RBFOX1: variants seen among roughly 807,000 people sequenced by gnomAD.
The protein encoded by RBFOX1 is RNA binding protein fox-1 homolog 1.
In RBFOX1, 8 loss-of-function variants were observed where a neutral mutation model predicts 57.7. The ratio of observed to expected loss-of-function variants is 0.14; its 90% CI spans 0.08 to 0.25. The LOEUF (loss-of-function observed/expected upper bound fraction) is 0.25, where lower values mean the gene tolerates loss of function less well. RBFOX1 is among the 10% of genes least tolerant of loss of function. The pLI is 1.00. For synonymous variants in RBFOX1, 326 were observed against 222.4 expected (o/e 1.47, Z -4.15); for missense variants, 611 against 548.5 (o/e 1.11, Z -1.14).
At chr16:5,730,367 G>C (rs1018963292) in intron 3 of RBFOX1, among the ~76,000 whole-genome samples, 1 of 152,156 alleles carries the variant, frequency 6.6e-6, no homozygotes, top group Non-Finnish European at 1.5e-5. Context: ...AATGAGCCTA[G>C]AGTGGAGCCG....
rs571100871 is a variant in RBFOX1 at position 7,648,276 on chromosome 16, T to C, written c.758-5539T>C. 1.3e-4 allele frequency among the ~76,000 whole-genome samples: 20 copies of C among 152,224 alleles called. No individual in the cohort carries two copies. The East Asian group carries it at 3.7e-3, about 28-fold the overall frequency. ...GGTCTGTCACCCAGGCTGGAGTGCA[T>C]TGGCGCGATTTCTGCTCACTGCAAC... On this transcript the variant is annotated intron_variant, in intron 11 of 15. Transcript: ENST00000550418.
At chr16:7,427,558 C>A (rs142349228) in intron 4 of RBFOX1, among the ~76,000 whole-genome samples, 2 of 152,158 alleles carry the variant, frequency 1.3e-5, no homozygotes, top group African/African-American at 2.4e-5. Flanking sequence ...CCTTTCCCCT[C>A]CAATTTTACC....
At chr16:7,152,118 T>A (rs1406061812) in intron 4 of RBFOX1, among the ~76,000 whole-genome samples, 1 of 152,172 alleles carries the variant, frequency 6.6e-6, no homozygotes, top group Non-Finnish European at 1.5e-5. Flanking sequence ...GTTCCATATA[T>A]AAAACAAAAG....
chr16:5,884,578 T>C (rs2057850635), intron 4 of RBFOX1, among the ~76,000 whole-genome samples: 1 of 151,826 alleles, frequency 6.6e-6, no homozygotes, highest in African/African-American at 2.4e-5. Context: ...TGGGTAGAAG[T>C]AATGTATGAC....
intron 4 of RBFOX1, among the ~76,000 whole-genome samples, chr16:7,346,627 GC>G (rs998305136): frequency 1.3e-5 from 2 of 151,654 alleles, no homozygotes; most frequent in Non-Finnish European, 2.9e-5. Flanking sequence ...GTCCCATGTG[GC>G]CCACGGGCAT....
At chr16:6,305,023 G>C (rs2079316493) in intron 1 of RBFOX1, among the ~76,000 whole-genome samples, 1 of 152,208 alleles carries the variant, frequency 6.6e-6, no homozygotes, top group Non-Finnish European at 1.5e-5. Flanking sequence ...GGGAAGGGGT[G>C]ATGCATGGTA....
intron 4 of RBFOX1, among the ~76,000 whole-genome samples, chr16:7,233,023 G>T (rs1210174397): frequency 6.6e-6 from 1 of 151,924 alleles, no homozygotes; most frequent in African/African-American, 2.4e-5. Context: ...GCTAAAATAG[G>T]CTACATTTCC....
chr16:5,370,644 T>C (rs1347666949), intron 1 of RBFOX1, among the ~76,000 whole-genome samples: 2 of 151,594 alleles, frequency 1.3e-5, no homozygotes, highest in Non-Finnish European at 2.9e-5. Flanking sequence ...AGGCACGTGC[T>C]ACCACACTCA....
At chr16:5,329,413 A>G (rs2064681743) in intron 1 of RBFOX1, among the ~76,000 whole-genome samples, 1 of 152,220 alleles carries the variant, frequency 6.6e-6, no homozygotes, top group Middle Eastern at 3.4e-3. Context: ...CAGATCTCAC[A>G]ATAACTCACT....
chr16:5,391,947 C>G (rs1297676420), intron 1 of RBFOX1, among the ~76,000 whole-genome samples: 1 of 151,758 alleles, frequency 6.6e-6, no homozygotes, highest in Non-Finnish European at 1.5e-5. Context: ...GAATACTACT[C>G]AGCCATAAAA....
At chr16:7,627,604 G>A (rs2060277881) in intron 10 of RBFOX1, among the ~76,000 whole-genome samples, 1 of 152,210 alleles carries the variant, frequency 6.6e-6, no homozygotes, top group Non-Finnish European at 1.5e-5. Flanking sequence ...ATATTGAGAA[G>A]TGCTTTGAAT....
chr16:5,581,376 A>C (rs2046660158), intron 2 of RBFOX1, among the ~76,000 whole-genome samples: 1 of 152,206 alleles, frequency 6.6e-6, no homozygotes, highest in Non-Finnish European at 1.5e-5. Context: ...TCTTTTGTCC[A>C]ATACCTATGT....
At chr16:6,817,974 C>G (rs369785153) in intron 3 of RBFOX1, among the ~76,000 whole-genome samples, 1 of 152,100 alleles carries the variant, frequency 6.6e-6, no homozygotes, top group Non-Finnish European at 1.5e-5. Context: ...TGGTTTTAAA[C>G]GCAGGCCTGC....
intron 1 of RBFOX1, among the ~76,000 whole-genome samples, chr16:5,255,882 T>C (rs959984150): frequency 6.6e-6 from 1 of 152,012 alleles, no homozygotes; most frequent in African/African-American, 2.4e-5. Flanking sequence ...GCTGCTTGGG[T>C]AAGTTACAGA....
In RBFOX1 at chr16:6,983,058, A is replaced by G. The variant is rs9937457; in HGVS notation, c.-15-68999A>G. On this transcript the variant is annotated intron_variant, in intron 3 of 15. Transcript: ENST00000550418. ...TGAGGCTCGAGCATTTTGGTAAGTT[A>G]TCTAACATCACATTACTGGGGAGTG... is the stretch of plus-strand genomic sequence containing the variant. Among the ~76,000 whole-genome samples the G allele has an allele frequency of 3.8e-3, 562 of 149,632 alleles. 8 individuals carry two copies. Among genetic ancestry groups the G allele is most frequent in the African/African-American group, 0.013 (537 of 40,800 alleles).
chr16:5,251,609 A>T (rs2062455103), intron 1 of RBFOX1, among the ~76,000 whole-genome samples: 1 of 152,150 alleles, frequency 6.6e-6, no homozygotes, highest in Admixed American at 6.5e-5. Context: ...TTTATATTAA[A>T]GCCACTTCCA....
At chr16:6,987,032 A>C (rs566030648) in intron 3 of RBFOX1, among the ~76,000 whole-genome samples, 5 of 152,102 alleles carry the variant, frequency 3.3e-5, no homozygotes, top group Non-Finnish European at 5.9e-5. Context: ...TGAAACTTGC[A>C]AATAAGGCCT....
At chr16:7,010,084 T>G (rs1167096441) in intron 3 of RBFOX1, among the ~76,000 whole-genome samples, 4 of 152,186 alleles carry the variant, frequency 2.6e-5, no homozygotes, top group African/African-American at 9.7e-5. Context: ...TTAGTTAACT[T>G]CTATAACGGT....
intron 3 of RBFOX1, among the ~76,000 whole-genome samples, chr16:5,807,037 A>G (rs2055252863): frequency 2.0e-5 from 3 of 152,196 alleles, no homozygotes; most frequent in South Asian, 4.1e-4. Context: ...TCCAGCAGGC[A>G]CCAGTGATGG....
Sources: allele counts gnomAD v4.1 joint callset (sites outside exome capture counted in the v4.1 genomes callset), GRCh38; gene constraint gnomAD v4.1.1; transcripts MANE v1.5; gene names NCBI Gene and HGNC (gene_info 2026-07-23, HGNC 2026-07-21).